The following NDST3 variants were observed in gnomAD, a reference collection of about 807,000 sequenced individuals.
NDST3 encodes the protein N-deacetylase and N-sulfotransferase 3.
A neutral mutation model predicts 96.1 loss-of-function variants in NDST3; 58 were observed. That is an observed-to-expected ratio of 0.60 (90% confidence interval 0.49 to 0.75). NDST3 has a LOEUF of 0.75. NDST3 is among the 30% of genes least tolerant of loss of function. NDST3 has a pLI of 0.00. For synonymous variants in NDST3, 333 were observed against 359.7 expected (o/e 0.93, Z 0.84); for missense variants, 788 against 1,034.2 (o/e 0.76, Z 3.27).
intron 6 of NDST3, among the ~76,000 whole-genome samples, chr4:118,209,654 A>C (rs992513341): frequency 2.9e-4 from 44 of 152,216 alleles, no homozygotes; most frequent in African/African-American, 9.4e-4. Flanking sequence ...AATGTTATAA[A>C]AAAGACAAAC....
At chr4:118,106,463 AGCCTTTTGAGTAGC>A (rs1730189479) in intron 3 of NDST3, among the ~76,000 whole-genome samples, 1 of 152,094 alleles carries the variant, frequency 6.6e-6, no homozygotes, top group African/African-American at 2.4e-5. Flanking sequence ...CTCCCACCTC[AGCCTTTTGAGTAGC>A]TGGGACTACA....
chr4:118,184,620 C>CACACACAG (rs1736821451), intron 6 of NDST3, among the ~76,000 whole-genome samples: 2 of 151,304 alleles, frequency 1.3e-5, no homozygotes, highest in African/African-American at 2.4e-5. Context: ...CACACACACA[C>CACACACAG]ACACACACAC....
At chr4:118,072,503 T>C (rs1727166294) in intron 2 of NDST3, among the ~76,000 whole-genome samples, 1 of 152,046 alleles carries the variant, frequency 6.6e-6, no homozygotes, top group Non-Finnish European at 1.5e-5. Context: ...GTGAATGGGA[T>C]TGTGTTCTTG....
intron 4 of NDST3, among the ~76,000 whole-genome samples, chr4:118,116,748 CTCAGGAAG>C (rs1303967783): frequency 6.6e-6 from 1 of 151,904 alleles, no homozygotes; most frequent in Non-Finnish European, 1.5e-5. Context: ...GTCCCAGCTA[CTCAGGAAG>C]CTGAGGCAGG....
intron 2 of NDST3, among the ~76,000 whole-genome samples, chr4:118,091,434 A>T (rs1000980872): frequency 1.3e-5 from 2 of 151,816 alleles, no homozygotes; most frequent in African/African-American, 4.8e-5. Context: ...TCTCAGGAGT[A>T]TGAGGGATAG....
chr4:118,079,038 A>C (rs550228264), intron 2 of NDST3, among the ~76,000 whole-genome samples: 10 of 152,316 alleles, frequency 6.6e-5, no homozygotes, highest in African/African-American at 2.4e-4. Context: ...AATTCTTATA[A>C]ATGCTTCAGA....
At chr4:118,057,036 TCAGA>T in intron 2 of NDST3, among the ~76,000 whole-genome samples, 1 of 152,046 alleles carries the variant, frequency 6.6e-6, no homozygotes, top group East Asian at 1.9e-4. Flanking sequence ...TAGCAGTAAT[TCAGA>T]CAAAGACAGC....
intron 6 of NDST3, among the ~76,000 whole-genome samples, chr4:118,150,921 T>C (rs1288315172): frequency 6.6e-6 from 1 of 151,756 alleles, no homozygotes; most frequent in African/African-American, 2.4e-5. Context: ...CATACTGCTA[T>C]AAAGACACAT....
At chr4:118,060,721 ATC>A (rs1234370027) in intron 2 of NDST3, among the ~76,000 whole-genome samples, 2 of 151,078 alleles carry the variant, frequency 1.3e-5, no homozygotes, top group Non-Finnish European at 3.0e-5. Flanking sequence ...AATGTATTTT[ATC>A]TCTTTTTTTT....
intron 6 of NDST3, among the ~76,000 whole-genome samples, chr4:118,169,731 T>C (rs551840070): frequency 2.6e-4 from 39 of 151,292 alleles, no homozygotes; most frequent in African/African-American, 9.5e-4. Context: ...GAGGCGGAGG[T>C]TGCAGTCAGC....
chr4:118,250,205 A>G (rs1380086046), intron 12 of NDST3, among the ~76,000 whole-genome samples: 1 of 152,162 alleles, frequency 6.6e-6, no homozygotes, highest in Non-Finnish European at 1.5e-5. Context: ...TCGAGTAAAA[A>G]CCTAGAAATG....
At chr4:118,180,639 C>T (rs754203643) in intron 6 of NDST3, among the ~76,000 whole-genome samples, 1 of 152,106 alleles carries the variant, frequency 6.6e-6, no homozygotes, top group Non-Finnish European at 1.5e-5. Flanking sequence ...CTTCTCAGAG[C>T]CTAGATAAAA....
intron 2 of NDST3, chr4:118,055,183 ACTAT>A: frequency 2.7e-6 from 1 of 365,712 alleles, no homozygotes. Flanking sequence ...CTTTCCAGAA[ACTAT>A]CTACCTCAAA....
At chr4:118,245,097 T>C (rs1424515176) in intron 12 of NDST3, among the ~76,000 whole-genome samples, 1 of 152,152 alleles carries the variant, frequency 6.6e-6, no homozygotes, top group Admixed American at 6.5e-5. Flanking sequence ...GAAGCAATCA[T>C]TTGAAATAAG....
chr4:118,033,431 G>C (rs565502399), upstream of NDST3, among the ~76,000 whole-genome samples: 69 of 152,222 alleles, frequency 4.5e-4, 1 homozygote, highest in Middle Eastern at 3.4e-3. Context: ...GGAACTGGCA[G>C]GCCGGGGCGG....
chr4:118,133,399 C>T (rs1392044408), intron 4 of NDST3, among the ~76,000 whole-genome samples: 1 of 152,160 alleles, frequency 6.6e-6, no homozygotes, highest in Admixed American at 6.5e-5. Context: ...CTCCCTCCCC[C>T]ACATAAATAG....
chr4:118,114,874 C>T lies in NDST3; in HGVS notation c.1138C>T (p.His380Tyr). The part of the protein sequence containing the change: ...GSVDEFWWFP[H>Y]MWSHMQPHLF... Reference sequence around the variant, plus strand: ...TGTGGATGAGTTCTGGTGGTTTCCTCACATGTGGAGCCATATGCAGCCCCA... The same window carrying T: ...TGTGGATGAGTTCTGGTGGTTTCCTTACATGTGGAGCCATATGCAGCCCCA... Residue 380 changes from histidine (H) to tyrosine (Y), a missense_variant, in exon 4 of 14, where the codon CAC (histidine) becomes TAC (tyrosine). His to Tyr is a moderately conservative substitution (Grantham distance 83). Coordinates refer to ENST00000296499, the MANE Select transcript of NDST3 (RefSeq NM_004784.3). 1 of 1,614,070 alleles carries T rather than the reference C, an allele frequency of 6.2e-7. No individual in the cohort carries two copies. Among genetic ancestry groups the T allele is most frequent in the Non-Finnish European group, 8.5e-7 (1 of 1,179,980 alleles).
chr4:118,191,701 T>C (rs1324714747), intron 6 of NDST3, among the ~76,000 whole-genome samples: 3 of 152,222 alleles, frequency 2.0e-5, no homozygotes, highest in Non-Finnish European at 4.4e-5. Context: ...CAAGCATTTG[T>C]GTAAAAAACA....
At chr4:118,092,409 T>C (rs1024992359) in intron 2 of NDST3, among the ~76,000 whole-genome samples, 2 of 151,752 alleles carry the variant, frequency 1.3e-5, no homozygotes, top group Admixed American at 6.6e-5. Flanking sequence ...ATAAGTTATT[T>C]TGGTACTTGA....
Sources: allele counts gnomAD v4.1 joint callset (sites outside exome capture counted in the v4.1 genomes callset), GRCh38; gene constraint gnomAD v4.1.1; transcripts MANE v1.5; gene names NCBI Gene and HGNC (gene_info 2026-07-23, HGNC 2026-07-21).